DOCK7: variants seen among roughly 807,000 people sequenced by gnomAD.
DOCK7 encodes the protein dedicator of cytokinesis 7, also known as dedicator of cytokinesis protein 7.
Under a neutral mutation model 271.0 loss-of-function variants are expected in DOCK7, and 138 were observed. The ratio of observed to expected loss-of-function variants is 0.51; its 90% CI spans 0.44 to 0.59. The LOEUF is 0.59. Among genes scored for constraint, DOCK7 ranks in the 20% least tolerant of loss-of-function variants. The pLI, the probability that DOCK7 is intolerant of heterozygous loss-of-function variation, is 0.00. For synonymous variants in DOCK7, 823 were observed against 876.1 expected, an observed-to-expected ratio of 0.94 and a Z score of 1.07; for missense variants, 2,066 against 2,592.4, an observed-to-expected ratio of 0.80 and a Z score of 4.41.
intron 34 of DOCK7, 28 bp downstream of exon 34, chr1:62,510,549 A>G: frequency 6.4e-7 from 1 of 1,552,846 alleles, no homozygotes; most frequent in Non-Finnish European, 8.8e-7. Flanking sequence ...CACACCCATC[A>G]GTAACATAAA....
chr1:62,561,050 C>T lies in DOCK7; in HGVS notation c.2199+567G>A, dbSNP rs189259952. Among the ~76,000 whole-genome samples, 25 of 152,020 alleles carry T rather than the reference C, an allele frequency of 1.6e-4. No homozygotes were observed. The East Asian group carries it at 3.7e-3, about 22-fold the overall frequency. ...GTCAAAGCGCAACAGAGAAGCTGGG[C>T]GTAGGCAGTAATAAGTGCAGGGTAA... On this transcript the variant is annotated intron_variant, in intron 19 of 49. Coordinates refer to ENST00000635253, the MANE Select transcript of DOCK7 (RefSeq NM_001367561.1).
intron 14 of DOCK7, among the ~76,000 whole-genome samples, chr1:62,594,609 A>G (rs1648947786): frequency 6.6e-6 from 1 of 152,114 alleles, no homozygotes; most frequent in African/African-American, 2.4e-5. Flanking sequence ...TCCCTTCTCT[A>G]AAAAGAATGT....
chr1:62,543,392 C>T (rs1645598610), intron 24 of DOCK7: 4 of 261,074 alleles, frequency 1.5e-5, no homozygotes, highest in Non-Finnish European at 2.9e-5. Flanking sequence ...TTTTTTGGTA[C>T]TAAAATTTGA....
intron 35 of DOCK7, among the ~76,000 whole-genome samples, chr1:62,506,730 C>T (rs975207292): frequency 1.7e-4 from 26 of 151,120 alleles, no homozygotes; most frequent in African/African-American, 6.1e-4. Flanking sequence ...GGTGGATCAC[C>T]TGAGGTCAGG....
chr1:62,634,683 T>C, intron 9 of DOCK7, 90 bp downstream of exon 9: 1 of 1,319,102 alleles, frequency 7.6e-7, no homozygotes, highest in South Asian at 1.4e-5. Context: ...TATGTAAAGG[T>C]CAAATCTTTG....
At chr1:62,604,543 T>C in intron 14 of DOCK7, 1 of 1,339,100 alleles carries the variant, frequency 7.5e-7, no homozygotes, top group South Asian at 1.2e-5. Context: ...GTAATATTTA[T>C]AAGAAAGGAA....
In DOCK7 at chr1:62,494,664, TG is replaced by T. The variant is rs55853774; in HGVS notation, c.5025-198del. ...CTATGGAATGGATAATATCAGTTGG[TG>T]GGGGGGGCAGGAGGGGCAAAAAAGA... is the stretch of plus-strand genomic sequence containing the variant. On this transcript the variant is annotated intron_variant, in intron 39 of 49. Coordinates refer to ENST00000635253, the MANE Select transcript of DOCK7 (RefSeq NM_001367561.1). 1.3e-4 allele frequency: 37 copies of T among 289,580 alleles called. 1 individual carries two copies. Among genetic ancestry groups the T allele is most frequent in the Non-Finnish European group, 2.0e-4 (32 of 157,590 alleles). 17.9% of individuals were successfully genotyped at this position (289,580 alleles called of 1,614,324 possible).
intron 31 of DOCK7, among the ~76,000 whole-genome samples, chr1:62,525,938 A>C (rs187462517): frequency 1.3e-5 from 2 of 152,294 alleles, no homozygotes; most frequent in South Asian, 4.1e-4. Flanking sequence ...TTAAAATAGC[A>C]ACCTTTTTTT....
At chr1:62,474,172 G>A (rs1242862431) in intron 47 of DOCK7, 84 bp from the exon 48 acceptor site, 1 of 1,132,074 alleles carries the variant, frequency 8.8e-7, no homozygotes, top group African/African-American at 1.6e-5. Context: ...ATTTTTCTTA[G>A]CTCTGAGATG....
chr1:62,508,332 A>G (rs1644374455), intron 34 of DOCK7, among the ~76,000 whole-genome samples: 1 of 152,198 alleles, frequency 6.6e-6, no homozygotes, highest in African/African-American at 2.4e-5. Context: ...TGCAGCAGAC[A>G]GTTTTATTCT....
Position 62,457,710 on chromosome 1 carries a change from G to GA in DOCK7, c.6213-6dup, listed in dbSNP as rs746084007. 6.2e-7 allele frequency: 1 copy of GA among 1,609,948 alleles called. No individual in the cohort carries two copies. The stretch of plus-strand genomic sequence containing the variant: ...TTTCTTAAGGCATCTTCACACCTAG[G>GA]AAAAACAGGATGTTATCAAGATATT... On this transcript the variant is annotated splice_region_variant and splice_polypyrimidine_tract_variant and intron_variant, in intron 48 of 49. Transcript: ENST00000635253.
At position 62,496,418 on chromosome 1, in the gene DOCK7, A is replaced by T. The variant is rs148491210; in HGVS notation, c.4844T>A (p.Phe1615Tyr). 3.0e-5 allele frequency: 48 copies of T among 1,613,704 alleles called. No homozygotes were observed. In the African/African-American group the frequency reaches 6.1e-4, roughly 21 times the overall value. Residue 1615 changes from phenylalanine (F) to tyrosine (Y), a missense_variant, in exon 38 of 50, where the codon TTC (phenylalanine) becomes TAC (tyrosine). By Grantham distance (22) the Phe-to-Tyr change is conservative. Transcript: ENST00000635253. ...TATAGTCTTTAGAGAACGTCTTAAG[A>T]ATTCTTCATTAAAATTCTGAGATGT... Reference protein sequence around the residue: ...VGTSQNFNEEFLRRSLKTILT... With the variant: ...VGTSQNFNEEYLRRSLKTILT...
chr1:62,621,614 T>C (rs918394785), intron 12 of DOCK7, among the ~76,000 whole-genome samples: 4 of 152,154 alleles, frequency 2.6e-5, no homozygotes, highest in African/African-American at 9.6e-5. Flanking sequence ...TCTCACTATT[T>C]AGAAAAAATA....
intron 12 of DOCK7, among the ~76,000 whole-genome samples, chr1:62,621,817 T>A (rs577211927): frequency 8.9e-4 from 136 of 152,356 alleles, no homozygotes; most frequent in African/African-American, 3.1e-3. Flanking sequence ...ATATAAATTT[T>A]TTGAGACCAA....
intron 48 of DOCK7, chr1:62,460,951 C>G (rs1645507005): frequency 6.6e-6 from 1 of 152,196 alleles, no homozygotes; most frequent in South Asian, 2.1e-4. Context: ...AGGTACCACA[C>G]TGGCCAAGTT....
chr1:62,492,590 G>T, intron 41 of DOCK7, 114 bp downstream of exon 41: 1 of 1,368,244 alleles, frequency 7.3e-7, no homozygotes, highest in Non-Finnish European at 1.0e-6. Context: ...ACTGGGTCCA[G>T]AATAAATTAT....
chr1:62,629,969 G>C (rs1654416639), intron 11 of DOCK7, among the ~76,000 whole-genome samples: 1 of 152,192 alleles, frequency 6.6e-6, no homozygotes, highest in Admixed American at 6.5e-5. Flanking sequence ...AATTATCCCA[G>C]TTCAGGGTCA....
intron 31 of DOCK7, among the ~76,000 whole-genome samples, chr1:62,514,455 A>G (rs1327349963): frequency 1.3e-5 from 2 of 152,146 alleles, no homozygotes; most frequent in Non-Finnish European, 1.5e-5. Context: ...TCAATCATCA[A>G]TCTATATTAG....
intron 48 of DOCK7, among the ~76,000 whole-genome samples, chr1:62,464,483 A>C (rs1645619304): frequency 6.7e-6 from 1 of 149,636 alleles, no homozygotes; most frequent in African/African-American, 2.4e-5. Context: ...GGAGTTCGAG[A>C]CCAGCCAGGC....
Sources: gnomAD v4.1 joint callset for allele counts (sites outside exome capture counted in the v4.1 genomes callset) on GRCh38, gnomAD v4.1.1 for gene constraint, MANE v1.5 for transcripts, NCBI Gene and HGNC (gene_info 2026-07-23, HGNC 2026-07-21) for gene names.